The following ALMS1 variants were observed in gnomAD, a reference collection of about 807,000 sequenced individuals.
ALMS1 encodes ALMS1 centrosome and basal body associated protein, also known as centrosome-associated protein ALMS1.
A neutral mutation model predicts 352.2 loss-of-function variants in ALMS1; 271 were observed. That is an observed-to-expected ratio of 0.77 (90% CI 0.70 to 0.85). The LOEUF (loss-of-function observed/expected upper bound fraction) is 0.85, where lower values mean the gene tolerates loss of function less well. Among genes scored for constraint, ALMS1 ranks in the 40% least tolerant of loss-of-function variants. The probability of loss-of-function intolerance (pLI) is 0.00; values close to 1 mark genes in which losing one functional copy is unlikely to be tolerated. For missense variants in ALMS1, 5,445 were observed against 4,870.7 expected (o/e 1.12, Z -3.51); for synonymous variants, 1,865 against 1,761.2 (o/e 1.06, Z -1.48).
At chr2:73,506,103 T>G (rs1673314623) in intron 10 of ALMS1, among the ~76,000 whole-genome samples, 1 of 152,182 alleles carries the variant, frequency 6.6e-6, no homozygotes, top group Non-Finnish European at 1.5e-5. Flanking sequence ...GTTGTAGATG[T>G]GTGGTGTTAT....
At chr2:73,483,578 GTC>G (rs1488014193) in intron 9 of ALMS1, among the ~76,000 whole-genome samples, 1 of 151,796 alleles carries the variant, frequency 6.6e-6, no homozygotes, top group Admixed American at 6.6e-5. Flanking sequence ...TTCTGTAGAT[GTC>G]TATTAGGTCC....
Position 73,450,626 on chromosome 2 carries a change from G to C in ALMS1, c.4099G>C (p.Val1367Leu). ...GAAAATTTCAGTTGCCTCTGAACCA[G>C]TTGACCAGACAACTGGCACACCAAC... The part of the protein sequence containing the change: ...ALKISVASEP[V>L]DQTTGTPTVT... Residue 1367 changes from valine (V) to leucine (L), a missense_variant, in exon 8 of 23, where the codon GTT becomes CTT. Coordinates refer to ENST00000613296, the MANE Select transcript of ALMS1 (RefSeq NM_001378454.1). 6.2e-7 allele frequency: 1 copy of C among 1,612,808 alleles called. No individual in the cohort carries two copies. Among genetic ancestry groups the C allele is most frequent in the Non-Finnish European group, 8.5e-7 (1 of 1,179,792 alleles).
chr2:73,416,420 CA>C (rs1671181966), intron 2 of ALMS1, among the ~76,000 whole-genome samples: 1 of 152,072 alleles, frequency 6.6e-6, no homozygotes, highest in Admixed American at 6.6e-5. Flanking sequence ...TTTCTCTCCA[CA>C]TTTTTTTCTT....
chr2:73,577,188 T>C (rs1034486768), intron 16 of ALMS1, among the ~76,000 whole-genome samples: 2 of 152,166 alleles, frequency 1.3e-5, no homozygotes, highest in African/African-American at 4.8e-5. Flanking sequence ...CACCTCTTGG[T>C]TTTTGATAAT....
At position 73,573,357 on chromosome 2, in the gene ALMS1, G is replaced by A; in HGVS notation, c.11480G>A (p.Ser3827Asn). 1 of 1,614,050 alleles carries A rather than the reference G, an allele frequency of 6.2e-7. No homozygotes were observed. Among genetic ancestry groups the A allele is most frequent in the Non-Finnish European group, 8.5e-7 (1 of 1,179,978 alleles). The change falls in exon 16 of 23, where the codon AGC becomes AAC. Residue 3827 changes from serine (S) to asparagine (N), a missense_variant. By Grantham distance (46) the Ser-to-Asn change is conservative. Coordinates refer to ENST00000613296, the MANE Select transcript of ALMS1 (RefSeq NM_001378454.1). ...TACCTTGAGAAGCGGAGCAAACACA[G>A]CAAGAAAGTGCTGAATACAGGTCAT... Reference protein sequence around the residue: ...RRYLEKRSKHSKKVLNTGHPL... With the variant: ...RRYLEKRSKHNKKVLNTGHPL...
chr2:73,416,377 A>G (rs1311273487), intron 2 of ALMS1, among the ~76,000 whole-genome samples: 1 of 152,334 alleles, frequency 6.6e-6, no homozygotes, highest in South Asian at 2.1e-4. Context: ...AAAGTCTGCT[A>G]TTCCATAAAT....
At chr2:73,566,652 C>G (rs1254095577) in intron 15 of ALMS1, among the ~76,000 whole-genome samples, 1 of 152,278 alleles carries the variant, frequency 6.6e-6, no homozygotes, top group East Asian at 1.9e-4. Flanking sequence ...TGGGGTTTCC[C>G]CTCACGTTAA....
rs1553400737 is a variant in ALMS1 at position 73,424,706 on chromosome 2, A to T, written c.1041A>T (p.Ser347=). 1 of 1,614,150 alleles carries T rather than the reference A, an allele frequency of 6.2e-7. No individual in the cohort carries two copies. The highest frequency in any genetic ancestry group is 8.5e-7 in the Non-Finnish European group (1 of 1,180,018). The change falls in exon 5 of 23, where the codon TCA becomes TCT. Residue 347 remains serine, a synonymous_variant. Transcript: ENST00000613296. ...ATGATGATCTTTGTTCATATATGTC[A>T]TGGAAGACACGAAAAGATACACAGT... is the stretch of plus-strand genomic sequence containing the variant. ...DRYDDLCSYM[S]WKTRKDTQWP...
chr2:73,516,677 ATGT>A (rs1303804688), intron 10 of ALMS1, among the ~76,000 whole-genome samples: 2 of 152,218 alleles, frequency 1.3e-5, no homozygotes, highest in African/African-American at 4.8e-5. Context: ...AATATGGTAA[ATGT>A]TGTAAGGGGA....
intron 1 of ALMS1, among the ~76,000 whole-genome samples, chr2:73,399,153 G>A (rs1670822210): frequency 6.6e-6 from 1 of 152,092 alleles, no homozygotes; most frequent in South Asian, 2.1e-4. Flanking sequence ...GCCTGGCCTG[G>A]ATTTTCTGTA....
intron 16 of ALMS1, among the ~76,000 whole-genome samples, chr2:73,583,944 A>G (rs1369491681): frequency 6.6e-6 from 1 of 152,028 alleles, no homozygotes; most frequent in Non-Finnish European, 1.5e-5. Context: ...TTGTCTTTCA[A>G]AGTTGTTTTG....
At position 73,489,815 on chromosome 2, in the gene ALMS1, C is replaced by T; in HGVS notation, c.7856C>T (p.Pro2619Leu). ...GAAATGACCAGAGGACGGCAGAACCCATCATCATGCAGAGCCAAGCATGTC... is the reference window on the plus strand; with the variant it reads ...GAAATGACCAGAGGACGGCAGAACCTATCATCATGCAGAGCCAAGCATGTC... ...PSEMTRGRQNPSSCRAKHVNL... is the reference protein window; with the variant it reads ...PSEMTRGRQNLSSCRAKHVNL... The change falls in exon 10 of 23, where the codon CCA becomes CTA. Residue 2619 changes from proline to leucine, a missense_variant. Physicochemically the swap from Pro to Leu is moderately conservative, Grantham distance 98 (BLOSUM62 -3). Transcript: ENST00000613296. 2 of 1,614,134 alleles carry T rather than the reference C, an allele frequency of 1.2e-6. No individual in the cohort carries two copies. The highest frequency in any genetic ancestry group is 1.7e-6 in the Non-Finnish European group (2 of 1,180,018).
chr2:73,452,641 T>C lies in ALMS1; in HGVS notation c.6114T>C (p.Thr2038=). ...TGATTGGACCAAATGACCAGAAGAC[T>C]CCATCCCAGACAGCTTTTCATAGTT... is the stretch of plus-strand genomic sequence containing the variant. ...STVIGPNDQK[T]PSQTAFHSSY... The change falls in exon 8 of 23, where the codon ACT becomes ACC. Residue 2038 remains threonine (T), a synonymous_variant. Coordinates refer to ENST00000613296, the MANE Select transcript of ALMS1 (RefSeq NM_001378454.1). The C allele has an allele frequency of 1.2e-6, 2 of 1,613,980 alleles. No individual in the cohort carries two copies. The highest frequency in any genetic ancestry group is 1.7e-6 in the Non-Finnish European group (2 of 1,179,986).
intron 6 of ALMS1, among the ~76,000 whole-genome samples, chr2:73,427,886 T>C (rs181995070): frequency 6.0e-4 from 92 of 152,326 alleles, no homozygotes; most frequent in East Asian, 4.0e-3. Flanking sequence ...GTACTTAATG[T>C]TACTTCTCTT....
At position 73,593,520 on chromosome 2, in the gene ALMS1, C is replaced by T. The variant is rs537745984; in HGVS notation, c.11548-5881C>T. Among the ~76,000 whole-genome samples, 138 of 152,240 alleles carry T rather than the reference C, an allele frequency of 9.1e-4. 1 individual carries two copies. Among genetic ancestry groups the T allele is most frequent in the Middle Eastern group, 3.4e-3 (1 of 292 alleles). On this transcript the variant is annotated intron_variant, in intron 16 of 22. Transcript: ENST00000613296. ...TATAACCTTTTTTCTCCAAACAAGA[C>T]TTCATAGTCCACATTTTTTTCAGTT...
chr2:73,445,062 T>C (rs1671781128), intron 7 of ALMS1, among the ~76,000 whole-genome samples: 1 of 152,068 alleles, frequency 6.6e-6, no homozygotes, highest in South Asian at 2.1e-4. Flanking sequence ...GTACACACAA[T>C]AGGTGCTTTT....
chr2:73,480,861 G>C (rs1271525473), intron 9 of ALMS1, among the ~76,000 whole-genome samples: 1 of 150,522 alleles, frequency 6.6e-6, no homozygotes, highest in East Asian at 1.9e-4. Context: ...TTTTTTGTCT[G>C]CATAAATGTC....
chr2:73,486,953 G>A (rs557440148), intron 9 of ALMS1, among the ~76,000 whole-genome samples: 1 of 152,316 alleles, frequency 6.6e-6, no homozygotes, highest in Non-Finnish European at 1.5e-5. Flanking sequence ...TATCCAGGAG[G>A]CTGAGGTGGC....
At chr2:73,390,872 G>C (rs981643056) in intron 1 of ALMS1, among the ~76,000 whole-genome samples, 15 of 152,130 alleles carry the variant, frequency 9.9e-5, no homozygotes, top group Non-Finnish European at 2.2e-4. Context: ...CCGGGTTCAA[G>C]TGATTCTCCT....
Sources: allele counts gnomAD v4.1 joint callset (sites outside exome capture counted in the v4.1 genomes callset), GRCh38; gene constraint gnomAD v4.1.1; transcripts MANE v1.5; gene names NCBI Gene and HGNC (gene_info 2026-07-23, HGNC 2026-07-21).